Variants in KAT7 observed in about 807,000 individuals in gnomAD.
The protein encoded by KAT7 is histone acetyltransferase KAT7.
A neutral mutation model predicts 82.1 loss-of-function variants in KAT7; 10 were observed. The observed-to-expected ratio is 0.12, with a 90% confidence interval of 0.08 to 0.21. The LOEUF (loss-of-function observed/expected upper bound fraction) is 0.21, where lower values mean the gene tolerates loss of function less well. KAT7 is among the 10% of genes least tolerant of loss of function. The probability of loss-of-function intolerance (pLI) is 1.00; values close to 1 mark genes in which losing one functional copy is unlikely to be tolerated. For synonymous variants in KAT7, 250 were observed against 262.5 expected, an observed-to-expected ratio of 0.95 and a Z score of 0.46; for missense variants, 378 against 760.9, an observed-to-expected ratio of 0.50 and a Z score of 5.92.
At chr17:49,820,641 GGC>G (rs2074291295) in intron 9 of KAT7, among the ~76,000 whole-genome samples, 1 of 151,982 alleles carries the variant, frequency 6.6e-6, no homozygotes, top group Admixed American at 6.6e-5. Context: ...CTGGCTGGCT[GGC>G]TGCATTAAAA....
At chr17:49,806,949 A>G (rs1411227358) in intron 5 of KAT7, among the ~76,000 whole-genome samples, 1 of 152,218 alleles carries the variant, frequency 6.6e-6, no homozygotes, top group Non-Finnish European at 1.5e-5. Context: ...TAGAACCCTA[A>G]GTGGAAAGAT....
chr17:49,798,307 C>T lies in KAT7; in HGVS notation c.341-12C>T. The T allele has an allele frequency of 1.2e-6, 2 of 1,611,468 alleles. No individual in the cohort carries two copies. Among genetic ancestry groups the T allele is most frequent in the Non-Finnish European group, 1.7e-6 (2 of 1,177,788 alleles). ...CTCCACTCATAACTTCTACCAATTG[C>T]TTTTGCTTTAGAAACTAAAAATACA... On this transcript the variant is annotated splice_polypyrimidine_tract_variant and intron_variant, in intron 3 of 14. Transcript: ENST00000259021.
intron 11 of KAT7, 98 bp downstream of exon 11, chr17:49,821,888 C>A: frequency 1.9e-6 from 2 of 1,067,726 alleles, no homozygotes; most frequent in Non-Finnish European, 2.8e-6. Flanking sequence ...AAGCTGTACT[C>A]TGGGCAATGA....
chr17:49,796,810 G>A lies in KAT7; in HGVS notation c.224G>A (p.Arg75Lys), dbSNP rs1415802782. ...FGTEEPAYST[R>K]RVTRSQQQPT... is the part of the protein sequence containing the mutation. ...ACTGAGGAGCCTGCTTACTCTACCA[G>A]AAGAGTGACCCGTAGTCAGCAGCAG... Residue 75 changes from arginine (R) to lysine (K), a missense_variant, in exon 3 of 15, where the codon AGA becomes AAA. Coordinates refer to ENST00000259021, the MANE Select transcript of KAT7 (RefSeq NM_007067.5). 6.8e-6 allele frequency: 11 copies of A among 1,613,928 alleles called. No homozygotes were observed. In the South Asian group the frequency reaches 1.2e-4, roughly 18 times the overall value.
At chr17:49,818,294 C>T (rs2074258567) in intron 9 of KAT7, among the ~76,000 whole-genome samples, 1 of 152,150 alleles carries the variant, frequency 6.6e-6, no homozygotes, top group African/African-American at 2.4e-5. Flanking sequence ...TCATTTCCTC[C>T]TTGGAATATG....
In KAT7 at chr17:49,832,935, T is replaced by C. The variant is rs2074436112; in HGVS notation, c.*5433T>C. ...CTCAGCACTTTCTTTCACAAAATTA[T>C]GTGTGACTGCCTCCTCCAGACTGTT... On this transcript the variant is annotated 3_prime_UTR_variant, in exon 15 of 15. Coordinates refer to ENST00000259021, the MANE Select transcript of KAT7 (RefSeq NM_007067.5). The C allele has an allele frequency of 6.6e-6, 1 of 152,172 alleles. No individual in the cohort carries two copies. The highest frequency in any genetic ancestry group is 2.4e-5 in the African/African-American group (1 of 41,446). 9.4% of individuals were successfully genotyped at this position (152,172 alleles called of 1,614,324 possible). A position where few individuals can be genotyped will look rare whatever the true frequency, so the allele number is the denominator to read the frequency against.
chr17:49,792,176 A>G, intron 2 of KAT7, 143 bp downstream of exon 2: 1 of 788,542 alleles, frequency 1.3e-6, no homozygotes, highest in South Asian at 1.8e-5. Flanking sequence ...ATGTAGAGTG[A>G]ATGCAGAGTT....
chr17:49,818,983 C>T (rs1287752580), intron 9 of KAT7, among the ~76,000 whole-genome samples: 2 of 152,154 alleles, frequency 1.3e-5, no homozygotes, highest in African/African-American at 4.8e-5. Context: ...ATGATCCACC[C>T]ACCTCAGCTT....
At chr17:49,821,585 A>G (rs901592093) in intron 10 of KAT7, 65 bp from the exon 11 acceptor site, 2 of 1,582,606 alleles carry the variant, frequency 1.3e-6, no homozygotes, top group Admixed American at 1.7e-5. Flanking sequence ...ATGTTTGTGA[A>G]TTTTAGGCCT....
intron 5 of KAT7, 61 bp from the exon 6 acceptor site, chr17:49,809,058 T>G (rs1023010586): frequency 3.9e-6 from 5 of 1,296,644 alleles, no homozygotes; most frequent in Middle Eastern, 1.8e-4. Context: ...TGTATTCTTA[T>G]GCTTTAAGTA....
intron 5 of KAT7, among the ~76,000 whole-genome samples, chr17:49,807,045 C>T (rs1413549860): frequency 6.6e-6 from 1 of 152,192 alleles, no homozygotes; most frequent in Non-Finnish European, 1.5e-5. Context: ...TCCCAGGACA[C>T]CCTTGCGATC....
chr17:49,811,644 G>A, intron 7 of KAT7, 70 bp downstream of exon 7: 1 of 749,350 alleles, frequency 1.3e-6, no homozygotes, highest in Non-Finnish European at 2.0e-6. Context: ...TGCTTTCTGA[G>A]CTTCTGCCTT....
chr17:49,821,342 A>G lies in KAT7; in HGVS notation c.1161A>G (p.Lys387=), dbSNP rs2074301162. 5 of 1,613,256 alleles carry G rather than the reference A, an allele frequency of 3.1e-6. No individual in the cohort carries two copies. Among genetic ancestry groups the G allele is most frequent in the Non-Finnish European group, 4.2e-6 (5 of 1,179,448 alleles). Residue 387 remains lysine (K), a synonymous_variant, in exon 10 of 15, where the codon AAA becomes AAG. Coordinates refer to ENST00000259021, the MANE Select transcript of KAT7 (RefSeq NM_007067.5). ...SQTILRRHMA[K]CVWKHPPGDE... The stretch of plus-strand genomic sequence containing the variant: ...TGAATTTCATTGTCTTGCAGGCCAA[A>G]TGTGTGTGGAAACACCCACCTGGTG...
chr17:49,829,804 T>A lies in KAT7; in HGVS notation c.*2302T>A, dbSNP rs946746999. 1.3e-5 allele frequency: 2 copies of A among 152,100 alleles called. No homozygotes were observed. The highest frequency in any genetic ancestry group is 2.9e-5 in the Non-Finnish European group (2 of 68,046). 9.4% of individuals were successfully genotyped at this position (152,100 alleles called of 1,614,324 possible). A position where few individuals can be genotyped will look rare whatever the true frequency, so the allele number is the denominator to read the frequency against. On this transcript the variant is annotated 3_prime_UTR_variant, in exon 15 of 15. Coordinates refer to ENST00000259021, the MANE Select transcript of KAT7 (RefSeq NM_007067.5). ...TCCCTAAAAATAAAAGGATTTATTA[T>A]CTCATTTAAACCCCCACAGGTGTGG...
At chr17:49,793,104 T>C (rs2073911063) in intron 2 of KAT7, among the ~76,000 whole-genome samples, 1 of 152,184 alleles carries the variant, frequency 6.6e-6, no homozygotes, top group East Asian at 1.9e-4. Context: ...TGAGCCACCA[T>C]GTTCAGCCTG....
chr17:49,812,952 C>T (rs1353175451), intron 7 of KAT7, among the ~76,000 whole-genome samples: 3 of 150,842 alleles, frequency 2.0e-5, no homozygotes, highest in Admixed American at 6.6e-5. Flanking sequence ...CCACCCGCCT[C>T]GGCCTCCCGA....
Position 49,821,755 on chromosome 17 carries a change from A to G in KAT7, c.1351A>G (p.Asn451Asp), listed in dbSNP as rs566569340. 6.2e-7 allele frequency: 1 copy of G among 1,613,898 alleles called. No individual in the cohort carries two copies. Among genetic ancestry groups the G allele is most frequent in the Non-Finnish European group, 8.5e-7 (1 of 1,179,920 alleles). ...FLFYVMTEAD[N>D]TGCHLIGYFS... ...GTTCTATGTTATGACAGAGGCGGAC[A>G]ACACTGGCTGTCACCTGATTGGATA... Residue 451 changes from asparagine (N) to aspartate (D), a missense_variant, in exon 11 of 15, where the codon AAC becomes GAC. Coordinates refer to ENST00000259021, the MANE Select transcript of KAT7 (RefSeq NM_007067.5).
intron 4 of KAT7, among the ~76,000 whole-genome samples, chr17:49,804,103 G>A (rs1287297900): frequency 6.6e-6 from 1 of 152,176 alleles, no homozygotes; most frequent in Admixed American, 6.5e-5. Flanking sequence ...GAATGGGCCG[G>A]GCGCGGTGGC....
At chr17:49,805,955 C>T (rs1355584727) in intron 5 of KAT7, among the ~76,000 whole-genome samples, 4 of 152,186 alleles carry the variant, frequency 2.6e-5, no homozygotes, top group Non-Finnish European at 2.9e-5. Context: ...ATTCTTGAAA[C>T]CTAGCTCCTA....
Sources: allele counts gnomAD v4.1 joint callset (sites outside exome capture counted in the v4.1 genomes callset), GRCh38; gene constraint gnomAD v4.1.1; transcripts MANE v1.5; gene names NCBI Gene and HGNC (gene_info 2026-07-23, HGNC 2026-07-21).